The following ANK3 variants were observed in gnomAD, a reference collection of about 807,000 sequenced individuals.
ANK3 encodes ankyrin 3.
In ANK3, 57 loss-of-function variants were observed where a neutral mutation model predicts 370.9. The observed-to-expected ratio is 0.15, with a 90% CI of 0.12 to 0.19. The LOEUF is 0.19. Ranked by LOEUF, ANK3 falls within the 10% of genes least tolerant of loss-of-function variation. The probability of loss-of-function intolerance (pLI) is 1.00; values close to 1 mark genes in which losing one functional copy is unlikely to be tolerated. For missense variants in ANK3, 4,439 were observed against 5,302.1 expected (o/e 0.84, Z 5.06); for synonymous variants, 1,929 against 1,946.3 (o/e 0.99, Z 0.23).
intron 28 of ANK3, 64 bp from the exon 29 acceptor site, chr10:60,088,422 A>G: frequency 7.1e-7 from 1 of 1,405,950 alleles, no homozygotes; most frequent in Non-Finnish European, 9.9e-7. Context: ...CCTTAAGTCA[A>G]AATGATATAT....
At chr10:60,283,128 C>G (rs1029271111) in intron 1 of ANK3, among the ~76,000 whole-genome samples, 4 of 152,288 alleles carry the variant, frequency 2.6e-5, no homozygotes, top group African/African-American at 7.2e-5. Flanking sequence ...TCTCTCTCCT[C>G]TAAAATAACC....
At chr10:60,489,196 C>T (rs1211900459) in intron 2 of ANK3, among the ~76,000 whole-genome samples, 1 of 152,158 alleles carries the variant, frequency 6.6e-6, no homozygotes, top group African/African-American at 2.4e-5. Flanking sequence ...TGCAGTTACC[C>T]TGTGCCAAGA....
intron 8 of ANK3, among the ~76,000 whole-genome samples, chr10:60,233,679 C>T (rs934754019): frequency 9.2e-5 from 14 of 152,172 alleles, no homozygotes; most frequent in Non-Finnish European, 1.3e-4. Flanking sequence ...TCACGTGATC[C>T]TCCTGCCTTG....
At chr10:60,572,504 T>C in intron 2 of ANK3, 7 of 1,536,006 alleles carry the variant, frequency 4.6e-6, no homozygotes, top group Non-Finnish European at 6.1e-6. Context: ...GTTTTGCATT[T>C]TTCTCCTTTG....
rs150404306 is a variant in ANK3, at chr10:60,516,254, A to C, written c.96+98932T>G. 2.3e-3 allele frequency among the ~76,000 whole-genome samples: 357 copies of C among 152,246 alleles called. 1 individual carries two copies. Among genetic ancestry groups the C allele is most frequent in the African/African-American group, 8.3e-3 (344 of 41,572 alleles). ...TAAAATGTTTATAACAGTAGCCCCC[A>C]AAAAGAGAAAAAGGTATCAAGAACC... On this transcript the variant is annotated intron_variant, in intron 2 of 43. Coordinates refer to the ANK3 transcript ENST00000373827.
At chr10:60,384,018 C>T (rs929522333) in intron 1 of ANK3, among the ~76,000 whole-genome samples, 8 of 152,184 alleles carry the variant, frequency 5.3e-5, no homozygotes, top group African/African-American at 1.9e-4. Flanking sequence ...ACCCAAAGTC[C>T]TTTGACCCAA....
chr10:60,303,227 A>AATT (rs1276746659), intron 1 of ANK3, among the ~76,000 whole-genome samples: 1 of 152,196 alleles, frequency 6.6e-6, no homozygotes, highest in Non-Finnish European at 1.5e-5. Flanking sequence ...TCAAACTAAA[A>AATT]AGCTTCTTCA....
At position 60,661,440 on chromosome 10, in the gene ANK3, T is replaced by C. The variant is rs147958928; in HGVS notation, c.58-46216A>G. Among the ~76,000 whole-genome samples, 83 of 152,236 alleles carry C rather than the reference T, an allele frequency of 5.5e-4. 1 individual carries two copies. In the East Asian group the frequency reaches 0.012, roughly 22 times the overall value. On this transcript the variant is annotated intron_variant, in intron 1 of 43. Transcript: ENST00000373827. ...TCCTTCCAATTCATAAAATGCACCA[T>C]GCCCAGACATACAGATTATAAGGGC...
chr10:60,635,782 C>T (rs890307570), intron 1 of ANK3, among the ~76,000 whole-genome samples: 2 of 151,292 alleles, frequency 1.3e-5, no homozygotes, highest in African/African-American at 4.9e-5. Flanking sequence ...AAAATTATAA[C>T]ACACAGCCCC....
chr10:60,057,806 TTG>T (rs2079515222), intron 41 of ANK3, among the ~76,000 whole-genome samples: 1 of 152,186 alleles, frequency 6.6e-6, no homozygotes, highest in African/African-American at 2.4e-5. Context: ...TAACTATAAA[TTG>T]TGTGACTATA....
At chr10:60,695,427 C>T (rs1316168887) in intron 1 of ANK3, among the ~76,000 whole-genome samples, 4 of 152,142 alleles carry the variant, frequency 2.6e-5, no homozygotes, top group Non-Finnish European at 5.9e-5. Context: ...GAACTCTCCA[C>T]CCCAAATCAA....
chr10:60,695,478 C>A (rs552120016), intron 1 of ANK3, among the ~76,000 whole-genome samples: 9 of 152,194 alleles, frequency 5.9e-5, no homozygotes, highest in Admixed American at 1.3e-4. Context: ...ACACCTATTC[C>A]AAAATTGACC....
intron 1 of ANK3, among the ~76,000 whole-genome samples, chr10:60,336,173 T>C (rs1045187247): frequency 4.0e-5 from 6 of 151,898 alleles, no homozygotes; most frequent in African/African-American, 1.5e-4. Context: ...AGAGTACTCT[T>C]GCAAAAGGTG....
At chr10:60,103,227 G>A (rs1419502663) in intron 28 of ANK3, among the ~76,000 whole-genome samples, 1 of 150,830 alleles carries the variant, frequency 6.6e-6, no homozygotes. Flanking sequence ...TGGGATTACA[G>A]GCGTGAACCA....
upstream of ANK3, among the ~76,000 whole-genome samples, chr10:60,390,218 T>G (rs1479985604): frequency 6.6e-6 from 1 of 152,194 alleles, no homozygotes; most frequent in Non-Finnish European, 1.5e-5. Flanking sequence ...CAGTGCATCC[T>G]TTATGCTGAA....
intron 2 of ANK3, among the ~76,000 whole-genome samples, chr10:60,450,701 C>T (rs2064577315): frequency 6.6e-6 from 1 of 152,036 alleles, no homozygotes; most frequent in Non-Finnish European, 1.5e-5. Flanking sequence ...GGAAAGATGG[C>T]TTAGGATCAC....
Position 60,088,368 on chromosome 10 carries a change from CAAAT to C in ANK3, c.3329-14_3329-11del, listed in dbSNP as rs769865585. On this transcript the variant is annotated splice_polypyrimidine_tract_variant and intron_variant, in intron 28 of 43. Transcript: ENST00000280772. ...TCTGGGCTATCAAGTTCTGAAAAGA[CAAAT>C]GAAAGAAAATGCCATGAGAATAAGC... The C allele has an allele frequency of 6.2e-7, 1 of 1,610,076 alleles. No individual in the cohort carries two copies. Among genetic ancestry groups the C allele is most frequent in the Non-Finnish European group, 8.5e-7 (1 of 1,176,714 alleles).
chr10:60,121,632 A>G (rs2093478918), intron 25 of ANK3, among the ~76,000 whole-genome samples: 2 of 151,484 alleles, frequency 1.3e-5, no homozygotes, highest in African/African-American at 4.9e-5. Context: ...TGGAGGTTGC[A>G]GTGAGCCAAG....
intron 7 of ANK3, among the ~76,000 whole-genome samples, chr10:60,253,661 C>T (rs1272473311): frequency 6.6e-6 from 1 of 152,114 alleles, no homozygotes; most frequent in African/African-American, 2.4e-5. Context: ...ACCATGGCAA[C>T]AAGAATATGT....
Sources: gnomAD v4.1 joint callset for allele counts (sites outside exome capture counted in the v4.1 genomes callset) on GRCh38, gnomAD v4.1.1 for gene constraint, MANE v1.5 for transcripts, NCBI Gene and HGNC (gene_info 2026-07-23, HGNC 2026-07-21) for gene names.